CRACD: variants seen among roughly 807,000 people sequenced by gnomAD.
CRACD encodes the protein capping protein inhibiting regulator of actin dynamics.
A neutral mutation model predicts 106.8 loss-of-function variants in CRACD; 56 were observed. The observed-to-expected ratio is 0.52, with a 90% confidence interval of 0.42 to 0.66. The LOEUF (loss-of-function observed/expected upper bound fraction) is 0.66, where lower values mean the gene tolerates loss of function less well. Ranked by LOEUF, CRACD falls within the 30% of genes least tolerant of loss-of-function variation. The probability of loss-of-function intolerance (pLI) is 0.00; values close to 1 mark genes in which losing one functional copy is unlikely to be tolerated. For missense variants in CRACD, 1,730 were observed against 1,623.2 expected, an observed-to-expected ratio of 1.07 and a Z score of -1.13; for synonymous variants, 754 against 670.8, an observed-to-expected ratio of 1.12 and a Z score of -1.92.
intron 3 of CRACD, among the ~76,000 whole-genome samples, chr4:56,290,901 AGT>A (rs1180402956): frequency 6.6e-6 from 1 of 152,188 alleles, no homozygotes; most frequent in African/African-American, 2.4e-5. Context: ...CTCAGATACC[AGT>A]GCTGTTCTGA....
intron 1 of CRACD, among the ~76,000 whole-genome samples, chr4:56,108,132 C>A (rs959355511): frequency 6.6e-6 from 1 of 152,170 alleles, no homozygotes; most frequent in Non-Finnish European, 1.5e-5. Context: ...GTCAGAGTGG[C>A]TAGTTAGTTG....
intron 1 of CRACD, among the ~76,000 whole-genome samples, chr4:56,131,737 A>G (rs1469924708): frequency 6.6e-6 from 1 of 152,192 alleles, no homozygotes; most frequent in East Asian, 1.9e-4. Context: ...CAGAAACATA[A>G]TATGGGCAGT....
Position 56,314,014 on chromosome 4 carries a change from A to G in CRACD, c.538-26A>G, listed in dbSNP as rs755941598. ...CTGTGGGTGGAGAAAGCAAAAGGCT[A>G]ATTGTGTTTTCCTTTCCAATGTTAG... is the stretch of plus-strand genomic sequence containing the variant. On this transcript the variant is annotated intron_variant, in intron 7 of 10. Coordinates refer to ENST00000682029, the MANE Select transcript of CRACD (RefSeq NM_001393381.1). This position sits in a 1 kb window ranked among gnomAD's most constrained non-coding sequence, Gnocchi z 4.4. 6 of 1,602,884 alleles carry G rather than the reference A, an allele frequency of 3.7e-6. No individual in the cohort carries two copies. The highest frequency in any genetic ancestry group is 1.7e-5 in the Admixed American group (1 of 58,174).
chr4:56,305,193 C>A lies in CRACD; in HGVS notation c.121-2342C>A, dbSNP rs543376661. Among the ~76,000 whole-genome samples the A allele has an allele frequency of 5.9e-5, 9 of 152,252 alleles. No homozygotes were observed. In the East Asian group the frequency reaches 1.2e-3, roughly 20 times the overall value. On this transcript the variant is annotated intron_variant, in intron 4 of 10. Coordinates refer to ENST00000682029, the MANE Select transcript of CRACD (RefSeq NM_001393381.1). ...CTATGATCATGCCACTGCACTCTAG[C>A]CTGTGCGACAGAAAGAGACCCTGTC... is the stretch of plus-strand genomic sequence containing the variant.
At chr4:56,147,839 T>C (rs548938432) in intron 1 of CRACD, among the ~76,000 whole-genome samples, 204 of 152,352 alleles carry the variant, frequency 1.3e-3, no homozygotes, top group Non-Finnish European at 2.3e-3. Context: ...CCATCTGTTA[T>C]GTGCTTGTGT....
chr4:56,132,923 G>C (rs556692722), intron 1 of CRACD, among the ~76,000 whole-genome samples: 2 of 152,278 alleles, frequency 1.3e-5, no homozygotes, highest in South Asian at 4.2e-4. Flanking sequence ...TTAGCTATTG[G>C]AGGTAATTCA....
Position 56,315,420 on chromosome 4 carries a change from C to G in CRACD, c.1918C>G (p.Arg640Gly). The G allele has an allele frequency of 6.2e-7, 1 of 1,612,570 alleles. No individual in the cohort carries two copies. Among genetic ancestry groups the G allele is most frequent in the East Asian group, 2.2e-5 (1 of 44,818 alleles). The change falls in exon 8 of 11, where the codon CGA becomes GGA. Residue 640 changes from arginine (R) to glycine (G), a missense_variant. Physicochemically the swap from Arg to Gly is moderately radical, Grantham distance 125. This residue lies in a region of CRACD where 1,620 missense variants were observed against 1,481.6 expected (regional missense o/e 1.09). Coordinates refer to ENST00000682029, the MANE Select transcript of CRACD (RefSeq NM_001393381.1). This position sits in a 1 kb window ranked among gnomAD's most constrained non-coding sequence, Gnocchi z 4.1. ...AEAPAGENPPRGPGDARAGSG... is the reference protein window; with the variant it reads ...AEAPAGENPPGGPGDARAGSG... ...AGCCCCAGCTGGGGAGAACCCTCCC[C>G]GAGGCCCCGGCGACGCGAGGGCGGG...
chr4:56,218,719 C>G (rs1328983350), intron 2 of CRACD, among the ~76,000 whole-genome samples: 1 of 151,622 alleles, frequency 6.6e-6, no homozygotes, highest in Admixed American at 6.6e-5. Flanking sequence ...GCAATTCTCT[C>G]GCTTCAGCCC....
chr4:56,164,321 A>C (rs1425592129), intron 1 of CRACD, among the ~76,000 whole-genome samples: 1 of 151,476 alleles, frequency 6.6e-6, no homozygotes, highest in Non-Finnish European at 1.5e-5. Context: ...TTTTTAGTAG[A>C]GATGAGGTTT....
At chr4:56,175,876 T>G (rs1328426844) in intron 1 of CRACD, among the ~76,000 whole-genome samples, 1 of 152,250 alleles carries the variant, frequency 6.6e-6, no homozygotes. Flanking sequence ...TCCTGAAGCA[T>G]TTCCCCAGTG....
chr4:56,300,116 G>A (rs553361822), intron 4 of CRACD, among the ~76,000 whole-genome samples: 9 of 152,148 alleles, frequency 5.9e-5, no homozygotes, highest in Admixed American at 2.6e-4. Context: ...CCAGCCTGGC[G>A]ACAGAGAGAG....
chr4:56,279,515 T>G (rs1742891728), intron 3 of CRACD, among the ~76,000 whole-genome samples: 1 of 152,162 alleles, frequency 6.6e-6, no homozygotes, highest in South Asian at 2.1e-4. Flanking sequence ...AAAGAAGACA[T>G]TTATGCAGCC....
At chr4:56,123,460 A>G (rs997869575) in intron 1 of CRACD, among the ~76,000 whole-genome samples, 1 of 152,158 alleles carries the variant, frequency 6.6e-6, no homozygotes, top group South Asian at 2.1e-4. Flanking sequence ...CACCAATTCC[A>G]TCATGAAGCT....
intron 1 of CRACD, among the ~76,000 whole-genome samples, chr4:56,114,187 T>A (rs1344736149): frequency 1.3e-5 from 2 of 151,492 alleles, no homozygotes; most frequent in South Asian, 4.2e-4. Context: ...CATTGCTCCT[T>A]GTAGGCCCGG....
intron 1 of CRACD, among the ~76,000 whole-genome samples, chr4:56,158,061 A>T (rs1735821403): frequency 6.6e-6 from 1 of 152,252 alleles, no homozygotes; most frequent in Non-Finnish European, 1.5e-5. Flanking sequence ...AAATCCATGA[A>T]GAATGAGGCA....
At chr4:56,197,982 A>AT (rs536892337) in intron 2 of CRACD, among the ~76,000 whole-genome samples, 170 of 151,326 alleles carry the variant, frequency 1.1e-3, no homozygotes, top group Non-Finnish European at 2.0e-3. Context: ...CAGCCGGGTG[A>AT]TTTTTTTTTA....
intron 3 of CRACD, among the ~76,000 whole-genome samples, chr4:56,274,433 A>G (rs1243014851): frequency 6.8e-6 from 1 of 148,020 alleles, no homozygotes; most frequent in Non-Finnish European, 1.5e-5. Context: ...TAGTTTTGCC[A>G]AGTCTGATTT....
intron 3 of CRACD, among the ~76,000 whole-genome samples, chr4:56,279,996 A>G (rs927723187): frequency 6.6e-6 from 1 of 151,818 alleles, no homozygotes; most frequent in African/African-American, 2.4e-5. Flanking sequence ...CTTTGTAGGG[A>G]CATGGATGAA....
intron 3 of CRACD, among the ~76,000 whole-genome samples, chr4:56,278,992 A>G (rs1015231947): frequency 6.6e-6 from 1 of 152,248 alleles, no homozygotes; most frequent in Non-Finnish European, 1.5e-5. Context: ...ATAGACAGTA[A>G]CAAGTGTTGA....
Sources: gnomAD v4.1 joint callset for allele counts (sites outside exome capture counted in the v4.1 genomes callset) on GRCh38, gnomAD v4.1.1 for gene constraint, gnomAD v4.1.1 regional missense constraint, Gnocchi (gnomAD v3.1) non-coding constraint, MANE v1.5 for transcripts, NCBI Gene and HGNC (gene_info 2026-07-23, HGNC 2026-07-21) for gene names.